Variants in PPFIA2 observed in about 807,000 individuals in gnomAD.
PPFIA2 encodes PPFI scaffold protein A2, also known as liprin-alpha-2.
In PPFIA2, 46 loss-of-function variants were observed where a neutral mutation model predicts 175.5. The observed-to-expected ratio is 0.26, with a 90% CI of 0.21 to 0.34. PPFIA2 has a LOEUF of 0.34. PPFIA2 is among the 10% of genes least tolerant of loss of function. PPFIA2 has a pLI of 1.00. For missense variants in PPFIA2, 1,179 were observed against 1,506.1 expected (o/e 0.78, Z 3.60); for synonymous variants, 568 against 511.4 (o/e 1.11, Z -1.49).
intron 21 of PPFIA2, among the ~76,000 whole-genome samples, chr12:81,327,844 C>A (rs11114825): frequency 0.36 from 54,566 of 151,648 alleles, 10,686 homozygotes; most frequent in East Asian, 0.54. Flanking sequence ...TTTCTCATAA[C>A]TATAAAATAA....
At chr12:81,562,455 T>C (rs1003942027) in intron 4 of PPFIA2, among the ~76,000 whole-genome samples, 1 of 152,078 alleles carries the variant, frequency 6.6e-6, no homozygotes, top group African/African-American at 2.4e-5. Context: ...AAAACACTAT[T>C]AGGGGAAAAC....
chr12:81,665,829 C>T (rs1290483347), intron 4 of PPFIA2, among the ~76,000 whole-genome samples: 1 of 151,870 alleles, frequency 6.6e-6, no homozygotes, highest in African/African-American at 2.4e-5. Context: ...GAACAGGCAA[C>T]CTACAGAATG....
intron 4 of PPFIA2, among the ~76,000 whole-genome samples, chr12:81,606,919 T>C (rs2060384051): frequency 6.6e-6 from 1 of 152,122 alleles, no homozygotes; most frequent in Non-Finnish European, 1.5e-5. Flanking sequence ...TTTCTTCAGT[T>C]TTATTTTAGG....
intron 3 of PPFIA2, among the ~76,000 whole-genome samples, chr12:81,701,847 C>G (rs1421437390): frequency 1.4e-5 from 2 of 146,842 alleles, no homozygotes; most frequent in South Asian, 2.2e-4. Flanking sequence ...TCTGATGAAC[C>G]CCGAACTGAA....
chr12:81,432,726 G>T (rs1298386246), intron 7 of PPFIA2, among the ~76,000 whole-genome samples: 1 of 151,778 alleles, frequency 6.6e-6, no homozygotes, highest in East Asian at 1.9e-4. Context: ...CAAAGTGCTG[G>T]GATTACAGGC....
intron 3 of PPFIA2, among the ~76,000 whole-genome samples, chr12:81,706,893 C>A (rs2077223675): frequency 6.6e-6 from 1 of 152,246 alleles, no homozygotes; most frequent in Non-Finnish European, 1.5e-5. Flanking sequence ...TGATCTTTGA[C>A]AAACTTGAGA....
chr12:81,341,019 G>A, intron 20 of PPFIA2, 59 bp downstream of exon 20: 1 of 1,472,450 alleles, frequency 6.8e-7, no homozygotes, highest in Non-Finnish European at 9.3e-7. Context: ...AACAACGAAG[G>A]AAGAGGAATA....
intron 4 of PPFIA2, among the ~76,000 whole-genome samples, chr12:81,655,987 C>T (rs1022394450): frequency 2.0e-5 from 3 of 151,996 alleles, no homozygotes; most frequent in East Asian, 3.8e-4. Flanking sequence ...ACCTGGTACA[C>T]CAACTTCAAT....
chr12:81,465,704 G>C (rs2055488260), intron 4 of PPFIA2, among the ~76,000 whole-genome samples: 1 of 151,984 alleles, frequency 6.6e-6, no homozygotes, highest in Non-Finnish European at 1.5e-5. Flanking sequence ...CCAAACCACA[G>C]GACATACTTT....
intron 3 of PPFIA2, among the ~76,000 whole-genome samples, chr12:81,709,128 T>C (rs1049039032): frequency 1.3e-5 from 2 of 152,106 alleles, no homozygotes; most frequent in African/African-American, 4.8e-5. Flanking sequence ...GTTCCTCACA[T>C]AGGGCTTCTT....
At chr12:81,315,421 T>C (rs931890316) in intron 22 of PPFIA2, among the ~76,000 whole-genome samples, 1 of 151,684 alleles carries the variant, frequency 6.6e-6, no homozygotes, top group African/African-American at 2.4e-5. Flanking sequence ...GTTGAAATTA[T>C]GGACGTGATC....
chr12:81,302,192 C>G (rs545886442), intron 22 of PPFIA2: 1 of 414,882 alleles, frequency 2.4e-6, no homozygotes, highest in South Asian at 1.8e-5. Context: ...TACCTTATAA[C>G]CATGTACAAC....
intron 3 of PPFIA2, among the ~76,000 whole-genome samples, chr12:81,678,153 T>G (rs1365336867): frequency 1.3e-5 from 2 of 151,736 alleles, no homozygotes; most frequent in East Asian, 3.9e-4. Flanking sequence ...TTGCATCTAG[T>G]TGGAAAGACA....
chr12:81,443,287 T>C (rs926526792), intron 6 of PPFIA2, among the ~76,000 whole-genome samples: 5 of 152,036 alleles, frequency 3.3e-5, no homozygotes, highest in Admixed American at 1.3e-4. Context: ...AATGATCAAG[T>C]CACTTATCCA....
chr12:81,476,842 ATG>A (rs2057532559), intron 4 of PPFIA2, among the ~76,000 whole-genome samples: 1 of 152,214 alleles, frequency 6.6e-6, no homozygotes, highest in Non-Finnish European at 1.5e-5. Context: ...GATAAAGAAA[ATG>A]TGGTGCATAA....
chr12:81,333,934 A>G (rs1277553230), intron 21 of PPFIA2, among the ~76,000 whole-genome samples: 1 of 152,164 alleles, frequency 6.6e-6, no homozygotes. Flanking sequence ...TTATTTAACC[A>G]GTTATAAATC....
chr12:81,405,642 G>C (rs2042800422), intron 8 of PPFIA2, 145 bp downstream of exon 8: 1 of 523,774 alleles, frequency 1.9e-6, no homozygotes, highest in Non-Finnish European at 3.4e-6. Flanking sequence ...ACAAATATTA[G>C]AAAGGAAATA....
chr12:81,413,452 G>T (rs141606340), intron 7 of PPFIA2, among the ~76,000 whole-genome samples: 11 of 151,810 alleles, frequency 7.2e-5, no homozygotes, highest in African/African-American at 2.4e-4. Context: ...GGGAAATAAA[G>T]AAATAAAAGA....
intron 3 of PPFIA2, among the ~76,000 whole-genome samples, chr12:81,700,740 C>CA (rs1005781893): frequency 6.6e-6 from 1 of 151,560 alleles, no homozygotes; most frequent in Non-Finnish European, 1.5e-5. Context: ...GAACAGTTAC[C>CA]AAAAAAGACT....
Sources: gnomAD v4.1 joint callset for allele counts (sites outside exome capture counted in the v4.1 genomes callset) on GRCh38, gnomAD v4.1.1 for gene constraint, MANE v1.5 for transcripts, NCBI Gene and HGNC (gene_info 2026-07-23, HGNC 2026-07-21) for gene names.